The following PTPRJ variants were observed in gnomAD, a reference collection of about 807,000 sequenced individuals.
PTPRJ encodes protein tyrosine phosphatase receptor type J, also known as receptor-type tyrosine-protein phosphatase eta.
A neutral mutation model predicts 141.3 loss-of-function variants in PTPRJ; 129 were observed. The ratio of observed to expected loss-of-function variants is 0.91; its 90% CI spans 0.79 to 1.06. The LOEUF is 1.06. Among genes scored for constraint, PTPRJ ranks in the 50% least tolerant of loss-of-function variants. PTPRJ has a pLI of 0.00. For missense variants in PTPRJ, 1,601 were observed against 1,679.7 expected, an observed-to-expected ratio of 0.95 and a Z score of 0.82; for synonymous variants, 610 against 640.5, an observed-to-expected ratio of 0.95 and a Z score of 0.72.
At chr11:48,001,945 G>A (rs1415906793) in intron 1 of PTPRJ, among the ~76,000 whole-genome samples, 1 of 152,042 alleles carries the variant, frequency 6.6e-6, no homozygotes, top group Non-Finnish European at 1.5e-5. Flanking sequence ...CTGTTTTGTT[G>A]TTCAAGTTGG....
intron 18 of PTPRJ, among the ~76,000 whole-genome samples, chr11:48,152,047 G>C (rs562929900): frequency 6.6e-6 from 1 of 152,284 alleles, no homozygotes; most frequent in African/African-American, 2.4e-5. Context: ...GGTTGAACTA[G>C]TTTACAGTCC....
At chr11:48,056,933 G>A (rs566261018) in intron 1 of PTPRJ, among the ~76,000 whole-genome samples, 37 of 152,334 alleles carry the variant, frequency 2.4e-4, no homozygotes, top group African/African-American at 7.0e-4. Flanking sequence ...CATTCTGGGC[G>A]ACAAGAGCGA....
intron 1 of PTPRJ, among the ~76,000 whole-genome samples, chr11:48,106,575 GAC>G (rs1856291868): frequency 6.6e-6 from 1 of 152,142 alleles, no homozygotes; most frequent in Admixed American, 6.5e-5. Context: ...CAGGTTTAAT[GAC>G]ACAGTCATGT....
At chr11:48,095,691 C>T (rs903602588) in intron 1 of PTPRJ, among the ~76,000 whole-genome samples, 1 of 151,836 alleles carries the variant, frequency 6.6e-6, no homozygotes, top group Non-Finnish European at 1.5e-5. Context: ...GTGATTTCTC[C>T]TGCCTCAGCC....
At chr11:47,985,215 G>A (rs150653920) in intron 1 of PTPRJ, among the ~76,000 whole-genome samples, 217 of 152,046 alleles carry the variant, frequency 1.4e-3, no homozygotes, top group Middle Eastern at 0.01. Flanking sequence ...TGGTACAAAC[G>A]TAATTCACTG....
At chr11:47,983,043 G>T (rs1853954126) in intron 1 of PTPRJ, among the ~76,000 whole-genome samples, 1 of 152,178 alleles carries the variant, frequency 6.6e-6, no homozygotes, top group Admixed American at 6.6e-5. Context: ...TTTCAAGACA[G>T]CTGAAACCCC....
At chr11:48,105,292 A>G (rs945030070) in intron 1 of PTPRJ, among the ~76,000 whole-genome samples, 13 of 151,248 alleles carry the variant, frequency 8.6e-5, no homozygotes, top group African/African-American at 2.9e-4. Flanking sequence ...AGTCAGGACC[A>G]CCTTAAGCAC....
At chr11:48,133,147 T>C (rs1484014012) in intron 8 of PTPRJ, among the ~76,000 whole-genome samples, 1 of 152,206 alleles carries the variant, frequency 6.6e-6, no homozygotes, top group Non-Finnish European at 1.5e-5. Flanking sequence ...ATCATTTCTG[T>C]CTTACAGAGT....
chr11:48,063,470 A>G (rs1481198260), intron 1 of PTPRJ, among the ~76,000 whole-genome samples: 3 of 152,218 alleles, frequency 2.0e-5, no homozygotes, highest in Admixed American at 6.5e-5. Context: ...GTCAGTAAAT[A>G]TTTGTTGAAT....
chr11:48,154,076 A>C (rs1436274153), intron 19 of PTPRJ, among the ~76,000 whole-genome samples, 190 bp downstream of exon 19: 2 of 152,210 alleles, frequency 1.3e-5, no homozygotes, highest in African/African-American at 2.4e-5. Context: ...ATTCTCTTAA[A>C]TCCTCACAAC....
intron 1 of PTPRJ, among the ~76,000 whole-genome samples, chr11:47,991,709 C>T (rs947442264): frequency 1.4e-4 from 22 of 152,142 alleles, no homozygotes; most frequent in Non-Finnish European, 3.1e-4. Context: ...GTGCTTAGTG[C>T]ACGGGCTTTG....
intron 1 of PTPRJ, among the ~76,000 whole-genome samples, chr11:48,064,510 C>G (rs892044792): frequency 6.6e-6 from 1 of 152,214 alleles, no homozygotes; most frequent in Admixed American, 6.5e-5. Context: ...TCTGCCCGAG[C>G]CTTTCCTGCT....
At position 48,116,460 on chromosome 11, in the gene PTPRJ, G is replaced by A. The variant is rs570149710; in HGVS notation, c.352+3477G>A. ...ATGGATCTGAATGGACAGATTGACT[G>A]CAATGCATTCATAGTAGAGGACTTC... On this transcript the variant is annotated intron_variant, in intron 3 of 24. Transcript: ENST00000418331. Among the ~76,000 whole-genome samples the A allele has an allele frequency of 3.9e-5, 6 of 152,326 alleles. No individual in the cohort carries two copies. In the East Asian group the frequency reaches 1.2e-3, roughly 29 times the overall value.
intron 1 of PTPRJ, among the ~76,000 whole-genome samples, chr11:48,093,177 T>G (rs2134301906): frequency 6.6e-6 from 1 of 152,368 alleles, no homozygotes; most frequent in South Asian, 2.1e-4. Flanking sequence ...ATGTGATTGC[T>G]CTGTAACTTT....
At chr11:48,039,792 C>CTT (rs111537902) in intron 1 of PTPRJ, among the ~76,000 whole-genome samples, 2 of 143,232 alleles carry the variant, frequency 1.4e-5, no homozygotes, top group East Asian at 2.0e-4. Context: ...TTTGCCCTTT[C>CTT]TTTTTTTTTT....
intron 1 of PTPRJ, among the ~76,000 whole-genome samples, chr11:48,058,413 G>A (rs1015169516): frequency 2.6e-5 from 4 of 151,760 alleles, no homozygotes; most frequent in Non-Finnish European, 4.4e-5. Context: ...ATCTCGCTAT[G>A]TTGCCCAGGT....
At chr11:48,088,648 A>T (rs1257359384) in intron 1 of PTPRJ, among the ~76,000 whole-genome samples, 1 of 152,058 alleles carries the variant, frequency 6.6e-6, no homozygotes, top group Admixed American at 6.6e-5. Flanking sequence ...TCACCTGGGG[A>T]TTCCTGACTC....
intron 1 of PTPRJ, among the ~76,000 whole-genome samples, chr11:48,013,103 CAAAA>C (rs5791798): frequency 1.0e-4 from 9 of 90,082 alleles, no homozygotes; most frequent in Admixed American, 2.3e-4. Flanking sequence ...GACTCTGTGT[CAAAA>C]AAAAAAAAAA....
Position 47,983,295 on chromosome 11 carries a change from A to G in PTPRJ, c.96+2287A>G, listed in dbSNP as rs1168566839. ...AATGGAATTTTTCAAAGTTGAATCA[A>G]TTTGAGATATTTCTGAAGTTTGTTT... On this transcript the variant is annotated intron_variant, in intron 1 of 24. Transcript: ENST00000418331. Among the ~76,000 whole-genome samples, 4 of 152,168 alleles carry G rather than the reference A, an allele frequency of 2.6e-5. No individual in the cohort carries two copies. In the East Asian group the frequency reaches 7.7e-4, roughly 29 times the overall value.
Sources: gnomAD v4.1 joint callset for allele counts (sites outside exome capture counted in the v4.1 genomes callset) on GRCh38, gnomAD v4.1.1 for gene constraint, MANE v1.5 for transcripts, NCBI Gene and HGNC (gene_info 2026-07-23, HGNC 2026-07-21) for gene names.